Variants in CEP128 observed in about 807,000 individuals in gnomAD.
CEP128 encodes the protein centrosomal protein 128, also known as centrosomal protein 128kDa.
CEP128 carries 132 observed loss-of-function variants against 156.7 expected under a neutral mutation model. The observed-to-expected ratio is 0.84, with a 90% CI of 0.73 to 0.97. The LOEUF (loss-of-function observed/expected upper bound fraction) is 0.97, where lower values mean the gene tolerates loss of function less well. Among genes scored for constraint, CEP128 ranks in the 50% least tolerant of loss-of-function variants. The pLI is 0.00. For synonymous variants in CEP128, 469 were observed against 448.9 expected (o/e 1.04, Z -0.57); for missense variants, 1,252 against 1,281.9 (o/e 0.98, Z 0.36).
chr14:80,675,947 T>C (rs1896043409), intron 19 of CEP128, among the ~76,000 whole-genome samples: 1 of 152,134 alleles, frequency 6.6e-6, no homozygotes, highest in South Asian at 2.1e-4. Context: ...ACACTAGTCT[T>C]GATAACTAAA....
intron 13 of CEP128, among the ~76,000 whole-genome samples, chr14:80,811,775 T>G (rs939231759): frequency 1.4e-5 from 2 of 144,846 alleles, no homozygotes; most frequent in Non-Finnish European, 3.0e-5. Flanking sequence ...GGTTATTATC[T>G]CTCTTCTGCG....
intron 19 of CEP128, among the ~76,000 whole-genome samples, chr14:80,674,848 T>A (rs1052036749): frequency 1.3e-4 from 20 of 152,040 alleles, no homozygotes; most frequent in Non-Finnish European, 2.5e-4. Flanking sequence ...TTTTTCTCTA[T>A]AAAATAACCC....
intron 19 of CEP128, among the ~76,000 whole-genome samples, chr14:80,723,136 T>C (rs972461072): frequency 1.3e-5 from 2 of 152,116 alleles, no homozygotes; most frequent in African/African-American, 2.4e-5. Context: ...CTCTTTATCT[T>C]TTAAACATTA....
intron 19 of CEP128, among the ~76,000 whole-genome samples, chr14:80,729,416 GTTGATTGGTGGGTAT>G (rs1315842499): frequency 2.0e-5 from 3 of 151,696 alleles, no homozygotes; most frequent in African/African-American, 7.3e-5. Context: ...TTATCCACTC[GTTGATTGGTGGGTAT>G]TTGGGCTGGT....
chr14:80,610,916 G>GT (rs1892970330), intron 19 of CEP128, among the ~76,000 whole-genome samples: 1 of 152,040 alleles, frequency 6.6e-6, no homozygotes, highest in Admixed American at 6.6e-5. Flanking sequence ...TAAGTAAAAA[G>GT]TAAGATATTG....
chr14:80,824,487 C>T (rs947132942), intron 13 of CEP128, among the ~76,000 whole-genome samples: 8 of 152,188 alleles, frequency 5.3e-5, no homozygotes, highest in Non-Finnish European at 1.0e-4. Flanking sequence ...GCACCCAAGT[C>T]ACCTCTTGAA....
chr14:80,680,725 C>A (rs910484811), intron 19 of CEP128, among the ~76,000 whole-genome samples: 1 of 152,178 alleles, frequency 6.6e-6, no homozygotes, highest in African/African-American at 2.4e-5. Flanking sequence ...CACCCCATCA[C>A]CATGCAGAGA....
intron 23 of CEP128, among the ~76,000 whole-genome samples, chr14:80,512,776 AATAAC>A (rs750506521): frequency 4.0e-5 from 6 of 151,876 alleles, no homozygotes; most frequent in Non-Finnish European, 5.9e-5. Context: ...GAGGTTTGCA[AATAAC>A]ATAACATGTT....
Position 80,743,182 on chromosome 14 carries a change from T to C in CEP128, c.2699A>G (p.Gln900Arg), listed in dbSNP as rs1352991091. Residue 900 changes from glutamine (Q) to arginine (R), a missense_variant, in exon 19 of 25, where the codon CAA becomes CGA. Transcript: ENST00000555265. ...GTTTTCAGTCAAATTCCTGAGTTGTTGTCTGCAGAGCATCAGCTGGTGTCG... is the reference window on the plus strand; with the variant it reads ...GTTTTCAGTCAAATTCCTGAGTTGTCGTCTGCAGAGCATCAGCTGGTGTCG... Reference protein sequence around the residue: ...NLRHQLMLCRQQLRNLTENKE... With the variant: ...NLRHQLMLCRRQLRNLTENKE... 1.9e-6 allele frequency: 3 copies of C among 1,613,706 alleles called. No individual in the cohort carries two copies. The highest frequency in any genetic ancestry group is 2.5e-6 in the Non-Finnish European group (3 of 1,179,846).
chr14:80,911,554 A>G (rs1037546147), intron 4 of CEP128, among the ~76,000 whole-genome samples: 26 of 152,198 alleles, frequency 1.7e-4, no homozygotes, highest in Admixed American at 1.3e-3. Context: ...TGTGATTCAG[A>G]AGGACCAAAG....
chr14:80,847,842 T>C (rs1404649171), intron 9 of CEP128, among the ~76,000 whole-genome samples: 1 of 152,236 alleles, frequency 6.6e-6, no homozygotes, highest in Non-Finnish European at 1.5e-5. Context: ...GTATTTTAGG[T>C]ATCTTTAAAT....
chr14:80,642,407 G>A (rs1894455356), intron 19 of CEP128, among the ~76,000 whole-genome samples: 1 of 152,192 alleles, frequency 6.6e-6, no homozygotes, highest in Non-Finnish European at 1.5e-5. Flanking sequence ...AGACAAGGCT[G>A]GTGCTATGGC....
intron 9 of CEP128, among the ~76,000 whole-genome samples, chr14:80,853,433 T>G (rs1258900751): frequency 6.6e-6 from 1 of 151,870 alleles, no homozygotes; most frequent in Non-Finnish European, 1.5e-5. Flanking sequence ...ATAAGGGCAT[T>G]GAGCAAAATT....
Position 80,648,373 on chromosome 14 carries a change from C to T in CEP128, c.2807-67950G>A, listed in dbSNP as rs116530888. 5.4e-3 allele frequency among the ~76,000 whole-genome samples: 821 copies of T among 152,174 alleles called. 3 individuals carry two copies. The highest frequency in any genetic ancestry group is 0.019 in the African/African-American group (784 of 41,528). ...ATATTGAGAAAGGCTTCATTAGTGGCTGCAACTAATCTACAATTACAAATC... is the reference window on the plus strand; with the variant it reads ...ATATTGAGAAAGGCTTCATTAGTGGTTGCAACTAATCTACAATTACAAATC... On this transcript the variant is annotated intron_variant, in intron 19 of 24. Coordinates refer to ENST00000555265, the MANE Select transcript of CEP128 (RefSeq NM_152446.5).
chr14:80,688,060 A>G (rs1042986474), intron 19 of CEP128, among the ~76,000 whole-genome samples: 1 of 152,134 alleles, frequency 6.6e-6, no homozygotes, highest in African/African-American at 2.4e-5. Context: ...CCATCTGATT[A>G]TCTAAGTCTA....
intron 19 of CEP128, among the ~76,000 whole-genome samples, chr14:80,633,431 T>C (rs1894048693): frequency 6.6e-6 from 1 of 152,202 alleles, no homozygotes; most frequent in Non-Finnish European, 1.5e-5. Context: ...TAATACCCCT[T>C]GTAGAGCTCA....
At chr14:80,640,462 T>A (rs1248255780) in intron 19 of CEP128, among the ~76,000 whole-genome samples, 1 of 152,184 alleles carries the variant, frequency 6.6e-6, no homozygotes, top group Non-Finnish European at 1.5e-5. Flanking sequence ...CTGAGTCCAA[T>A]GGACATTTTA....
At chr14:80,585,238 C>A (rs1891770750) in intron 19 of CEP128, among the ~76,000 whole-genome samples, 1 of 152,220 alleles carries the variant, frequency 6.6e-6, no homozygotes, top group Admixed American at 6.5e-5. Context: ...TTCTCTGGAA[C>A]ACTTAGGGTT....
intron 19 of CEP128, among the ~76,000 whole-genome samples, chr14:80,595,535 A>G (rs1348495130): frequency 6.6e-6 from 1 of 152,210 alleles, no homozygotes; most frequent in Admixed American, 6.5e-5. Flanking sequence ...TTTCAATTTG[A>G]TGATATGGTG....
Sources: allele counts gnomAD v4.1 joint callset (sites outside exome capture counted in the v4.1 genomes callset), GRCh38; gene constraint gnomAD v4.1.1; transcripts MANE v1.5; gene names NCBI Gene and HGNC (gene_info 2026-07-23, HGNC 2026-07-21).